CDH7: variants seen among roughly 807,000 people sequenced by gnomAD.
CDH7 encodes the protein cadherin-7.
A neutral mutation model predicts 71.8 loss-of-function variants in CDH7; 25 were observed. That is an observed-to-expected ratio of 0.35 (90% CI 0.25 to 0.49). The LOEUF is 0.49. Among genes scored for constraint, CDH7 ranks in the 20% least tolerant of loss-of-function variants. The pLI is 0.99. For missense variants in CDH7, 862 were observed against 974.6 expected (o/e 0.88, Z 1.54); for synonymous variants, 381 against 363.8 (o/e 1.05, Z -0.54).
chr18:65,841,951 G>A (rs1033780376), intron 6 of CDH7, among the ~76,000 whole-genome samples: 8 of 152,082 alleles, frequency 5.3e-5, no homozygotes, highest in African/African-American at 1.9e-4. Context: ...ATGTTGTCAT[G>A]GCAGTATTTT....
Position 65,762,670 on chromosome 18 carries a change from C to T in CDH7, c.-173C>T, listed in dbSNP as rs7244243. The T allele has an allele frequency of 2.4e-5, 14 of 583,232 alleles. No individual in the cohort carries two copies. The highest frequency in any genetic ancestry group is 7.5e-5 in the African/African-American group (4 of 53,346). The allele number at this position is 583,232 out of a possible 1,614,324, so 36.1% of individuals were successfully genotyped here. Reference sequence around the variant, plus strand: ...AGGTACTTACTACACCATTCTTTGGCGAAGGCTATTCAGCAGTGGTGACCT... The same window carrying T: ...AGGTACTTACTACACCATTCTTTGGTGAAGGCTATTCAGCAGTGGTGACCT... On this transcript the variant is annotated 5_prime_UTR_variant, in exon 2 of 12. Coordinates refer to ENST00000397968, the MANE Select transcript of CDH7 (RefSeq NM_004361.5).
chr18:65,758,083 A>G (rs896924163), intron 1 of CDH7, among the ~76,000 whole-genome samples: 9 of 152,208 alleles, frequency 5.9e-5, no homozygotes, highest in African/African-American at 2.2e-4. Context: ...TTTAAATGTA[A>G]TAAAAGTTAT....
rs1599071805 is a variant in CDH7 at position 65,880,607 on chromosome 18, C to A, written c.2071C>A (p.Gln691Lys). The change falls in exon 12 of 12, where the codon CAA becomes AAA. Residue 691 changes from glutamine (Q) to lysine (K), a missense_variant. By Grantham distance (53) the Gln-to-Lys change is moderately conservative. Coordinates refer to ENST00000397968, the MANE Select transcript of CDH7 (RefSeq NM_004361.5). Reference protein sequence around the residue: ...KTRRDVTPEIQFLSRPAFKSI... With the variant: ...KTRRDVTPEIKFLSRPAFKSI... ...CCGGAGGGATGTGACTCCAGAAATT[C>A]AATTCCTGAGTCGACCAGCTTTTAA... is the stretch of plus-strand genomic sequence containing the variant. 6.2e-7 allele frequency: 1 copy of A among 1,613,824 alleles called. No homozygotes were observed. The highest frequency in any genetic ancestry group is 1.7e-4 in the Middle Eastern group (1 of 6,060).
intron 1 of CDH7, among the ~76,000 whole-genome samples, chr18:65,755,157 A>G (rs1158321910): frequency 5.3e-5 from 8 of 152,236 alleles, no homozygotes; most frequent in African/African-American, 1.9e-4. Flanking sequence ...TTGCAAAAGC[A>G]CTTATTACCA....
chr18:65,781,264 C>T (rs1292183396), intron 2 of CDH7, among the ~76,000 whole-genome samples: 1 of 152,112 alleles, frequency 6.6e-6, no homozygotes, highest in Non-Finnish European at 1.5e-5. Context: ...AGATTAGCCT[C>T]ATTTTACTTT....
chr18:65,882,514 T>C lies in CDH7; in HGVS notation c.*1620T>C, dbSNP rs1236516433. ...TGGAATTAGAATATTAATATGTTGA[T>C]TACACAAAGAAGAACTATGTAGGAT... On this transcript the variant is annotated 3_prime_UTR_variant, in exon 12 of 12. Coordinates refer to ENST00000397968, the MANE Select transcript of CDH7 (RefSeq NM_004361.5). 3 of 152,120 alleles carry C rather than the reference T, an allele frequency of 2.0e-5. No individual in the cohort carries two copies. The highest frequency in any genetic ancestry group is 4.4e-5 in the Non-Finnish European group (3 of 67,970). The allele number at this position is 152,120 out of a possible 1,614,324, so 9.4% of individuals were successfully genotyped here. A position where few individuals can be genotyped will look rare whatever the true frequency, so the allele number is the denominator to read the frequency against.
chr18:65,782,062 CT>C lies in CDH7; in HGVS notation c.210+19013del, dbSNP rs1191989588. Among the ~76,000 whole-genome samples, 78 of 37,630 alleles carry C rather than the reference CT, an allele frequency of 2.1e-3. 3 individuals are homozygous for C. The highest frequency in any genetic ancestry group is 2.8e-3 in the Non-Finnish European group (65 of 23,578). 24.7% of individuals were successfully genotyped at this position (37,630 alleles called of 152,430 possible). A position where few individuals can be genotyped will look rare whatever the true frequency, so the allele number is the denominator to read the frequency against. ...CCTTCCTTCCTTCCTTCCTTCCTTC[CT>C]TTCTTTCTTTCTTTCTTTCCTTCCT... On this transcript the variant is annotated intron_variant, in intron 2 of 11. Transcript: ENST00000397968.
intron 1 of CDH7, among the ~76,000 whole-genome samples, chr18:65,759,288 A>G (rs946334399): frequency 6.7e-6 from 1 of 148,990 alleles, no homozygotes; most frequent in Non-Finnish European, 1.5e-5. Context: ...GCTGTCACCC[A>G]GGCTAGAGTG....
At chr18:65,823,591 A>G (rs1477522710) in intron 5 of CDH7, among the ~76,000 whole-genome samples, 2 of 151,928 alleles carry the variant, frequency 1.3e-5, no homozygotes, top group Non-Finnish European at 2.9e-5. Flanking sequence ...TATGAAGGAC[A>G]CTTTGAGATA....
intron 11 of CDH7, chr18:65,865,133 G>C (rs925168330): frequency 6.6e-6 from 1 of 152,092 alleles, no homozygotes; most frequent in Non-Finnish European, 1.5e-5. Flanking sequence ...GATGAAGCTT[G>C]CTTCACTTTA....
At position 65,843,871 on chromosome 18, in the gene CDH7, T is replaced by C; in HGVS notation, c.1041T>C (p.Asp347=). 17 of 1,583,500 alleles carry C rather than the reference T, an allele frequency of 1.1e-5. No homozygotes were observed. The highest frequency in any genetic ancestry group is 1.5e-5 in the Non-Finnish European group (17 of 1,161,160). ...TACGGATAGAAGCTGCAAATAAAGA[T>C]GCCGACCCTCGCTTTCTGAGCTTGG... is the stretch of plus-strand genomic sequence containing the variant. The part of the protein sequence containing the change: ...YTLRIEAANK[D]ADPRFLSLGP... The change falls in exon 7 of 12, where the codon GAT becomes GAC. Residue 347 remains aspartate, a synonymous_variant. Transcript: ENST00000397968.
At position 65,880,501 on chromosome 18, in the gene CDH7, C is replaced by G; in HGVS notation, c.1965C>G (p.Asp655Glu). Residue 655 changes from aspartate (D) to glutamate (E), a missense_variant, in exon 12 of 12, where the codon GAC becomes GAG. Coordinates refer to ENST00000397968, the MANE Select transcript of CDH7 (RefSeq NM_004361.5). ...DIRENIVRYD[D>E]EGGGEEDTEA... The stretch of plus-strand genomic sequence containing the variant: ...GAGAAAATATTGTGAGATACGATGA[C>G]GAGGGCGGGGGAGAGGAGGACACGG... The G allele has an allele frequency of 6.2e-7, 1 of 1,608,180 alleles. No individual in the cohort carries two copies. The highest frequency in any genetic ancestry group is 1.1e-5 in the South Asian group (1 of 90,230).
At chr18:65,754,144 C>A (rs115653000) in intron 1 of CDH7, among the ~76,000 whole-genome samples, 1 of 152,110 alleles carries the variant, frequency 6.6e-6, no homozygotes, top group Non-Finnish European at 1.5e-5. Flanking sequence ...TTTTAATTTA[C>A]GAATGTTTCT....
intron 2 of CDH7, among the ~76,000 whole-genome samples, chr18:65,798,330 GCTT>G (rs1273893269): frequency 6.6e-6 from 1 of 152,176 alleles, no homozygotes; most frequent in Non-Finnish European, 1.5e-5. Flanking sequence ...TGCTTCAGTG[GCTT>G]CTTCTTCTGA....
At chr18:65,782,036 T>C (rs1286214738) in intron 2 of CDH7, among the ~76,000 whole-genome samples, 2 of 48,624 alleles carry the variant, frequency 4.1e-5, no homozygotes, top group African/African-American at 4.1e-4. Context: ...CTCCCTTCCT[T>C]CCTTCCTTCC....
intron 2 of CDH7, among the ~76,000 whole-genome samples, chr18:65,802,900 G>A (rs1057360226): frequency 1.3e-5 from 2 of 152,130 alleles, no homozygotes; most frequent in Non-Finnish European, 1.5e-5. Flanking sequence ...CGGTGAACAT[G>A]AAGCTCTAAG....
chr18:65,801,592 A>G (rs1911126534), intron 2 of CDH7, among the ~76,000 whole-genome samples: 1 of 152,186 alleles, frequency 6.6e-6, no homozygotes, highest in Admixed American at 6.5e-5. Flanking sequence ...TAAGTTTAAG[A>G]GTTGAATGGC....
At chr18:65,785,576 G>C (rs1049320392) in intron 2 of CDH7, among the ~76,000 whole-genome samples, 1 of 150,118 alleles carries the variant, frequency 6.7e-6, no homozygotes, top group Admixed American at 6.6e-5. Context: ...TTATATAGGA[G>C]AAAACCTCTA....
intron 7 of CDH7, among the ~76,000 whole-genome samples, chr18:65,844,787 A>T (rs1315997743): frequency 6.6e-6 from 1 of 152,080 alleles, no homozygotes; most frequent in Non-Finnish European, 1.5e-5. Context: ...TTGAGGTAAC[A>T]TTATAAATAG....
Sources: allele counts gnomAD v4.1 joint callset (sites outside exome capture counted in the v4.1 genomes callset), GRCh38; gene constraint gnomAD v4.1.1; transcripts MANE v1.5; gene names NCBI Gene and HGNC (gene_info 2026-07-23, HGNC 2026-07-21).